CAMK4: variants seen among roughly 807,000 people sequenced by gnomAD.
The protein encoded by CAMK4 is calcium/calmodulin-dependent protein kinase type IV.
A neutral mutation model predicts 44.9 loss-of-function variants in CAMK4; 22 were observed. The observed-to-expected ratio is 0.49, with a 90% CI of 0.35 to 0.70. The LOEUF (loss-of-function observed/expected upper bound fraction) is 0.70. Among genes scored for constraint, CAMK4 ranks in the 30% least tolerant of loss-of-function variants. The pLI is 0.01. For missense variants in CAMK4, 498 were observed against 586.8 expected, an observed-to-expected ratio of 0.85 and a Z score of 1.56; for synonymous variants, 218 against 215.4, an observed-to-expected ratio of 1.01 and a Z score of -0.11.
At chr5:111,264,632 C>T (rs868208446) in intron 1 of CAMK4, among the ~76,000 whole-genome samples, 1 of 152,062 alleles carries the variant, frequency 6.6e-6, no homozygotes, top group Admixed American at 6.5e-5. Flanking sequence ...TGCCGATATC[C>T]GTTTCAGCTT....
chr5:111,350,222 G>A (rs1413488245), intron 2 of CAMK4, among the ~76,000 whole-genome samples: 1 of 151,982 alleles, frequency 6.6e-6, no homozygotes, highest in Non-Finnish European at 1.5e-5. Flanking sequence ...CACCACATAG[G>A]AAGCATGTAA....
chr5:111,233,498 G>A (rs1331980533), intron 1 of CAMK4, among the ~76,000 whole-genome samples: 1 of 152,122 alleles, frequency 6.6e-6, no homozygotes, highest in East Asian at 1.9e-4. Flanking sequence ...TTTATTCGAA[G>A]GGCGTGAAAG....
intron 5 of CAMK4, among the ~76,000 whole-genome samples, chr5:111,408,116 AAGAGAGAG>A (rs57215459): frequency 1.3e-5 from 2 of 149,274 alleles, no homozygotes; most frequent in South Asian, 4.2e-4. Context: ...CAAAGAAAGA[AAGAGAGAG>A]AGAGAGAGAG....
At chr5:111,448,503 A>G (rs1269536356) in intron 6 of CAMK4, among the ~76,000 whole-genome samples, 1 of 152,212 alleles carries the variant, frequency 6.6e-6, no homozygotes, top group Non-Finnish European at 1.5e-5. Flanking sequence ...TATTGCAACT[A>G]TTACTTTAAG....
intron 5 of CAMK4, among the ~76,000 whole-genome samples, chr5:111,432,654 A>ATGTG (rs200057213): frequency 4.2e-5 from 5 of 119,936 alleles, no homozygotes; most frequent in African/African-American, 1.7e-4. Flanking sequence ...ATATGTATAT[A>ATGTG]TGTGTGTGTA....
In CAMK4 at chr5:111,489,293, A is replaced by G. The variant is rs536180733; in HGVS notation, c.*4827A>G. 6.6e-6 allele frequency: 1 copy of G among 152,320 alleles called. No homozygotes were observed. Among genetic ancestry groups the G allele is most frequent in the African/African-American group, 2.4e-5 (1 of 41,576 alleles). 9.4% of individuals were successfully genotyped at this position (152,320 alleles called of 1,614,324 possible). Reference sequence around the variant, plus strand: ...ACCACTGGAGAGATATCAGCAAACCACCCACAGTAACCAAGTTCAGTATTT... The same window carrying G: ...ACCACTGGAGAGATATCAGCAAACCGCCCACAGTAACCAAGTTCAGTATTT... On this transcript the variant is annotated 3_prime_UTR_variant, in exon 11 of 11. Coordinates refer to ENST00000282356, the MANE Select transcript of CAMK4 (RefSeq NM_001744.6).
chr5:111,456,347 C>T (rs551771969), intron 7 of CAMK4, among the ~76,000 whole-genome samples: 36 of 151,920 alleles, frequency 2.4e-4, no homozygotes, highest in African/African-American at 7.5e-4. Context: ...AAAAATTAGC[C>T]GGGCATGATG....
chr5:111,414,138 A>G (rs1738009406), intron 5 of CAMK4, among the ~76,000 whole-genome samples: 1 of 152,192 alleles, frequency 6.6e-6, no homozygotes. Flanking sequence ...TGGACTAAGT[A>G]TTCAGGACCA....
chr5:111,258,720 T>G (rs1749846523), intron 1 of CAMK4, among the ~76,000 whole-genome samples: 1 of 149,594 alleles, frequency 6.7e-6, no homozygotes, highest in South Asian at 2.1e-4. Flanking sequence ...ATATCACCAT[T>G]ACCTCTACAG....
Position 111,409,896 on chromosome 5 carries a change from C to T in CAMK4, c.459+15114C>T, listed in dbSNP as rs951214151. 2.7e-4 allele frequency among the ~76,000 whole-genome samples: 41 copies of T among 152,328 alleles called. 1 individual carries two copies. Among genetic ancestry groups the T allele is most frequent in the African/African-American group, 9.9e-4 (41 of 41,574 alleles). On this transcript the variant is annotated intron_variant, in intron 5 of 10. Coordinates refer to ENST00000282356, the MANE Select transcript of CAMK4 (RefSeq NM_001744.6). ...AGCCTGGACTTTATTGTCCATATCA[C>T]TATCAACATTTTAGTCAAAGCAATT...
chr5:111,334,497 G>T (rs891784527), intron 1 of CAMK4, among the ~76,000 whole-genome samples: 1 of 151,406 alleles, frequency 6.6e-6, no homozygotes, highest in Non-Finnish European at 1.5e-5. Flanking sequence ...ACGTTTTTTA[G>T]GTTCCTGCTC....
intron 5 of CAMK4, among the ~76,000 whole-genome samples, chr5:111,438,619 A>G (rs1196095771): frequency 1.3e-5 from 2 of 152,240 alleles, no homozygotes; most frequent in African/African-American, 4.8e-5. Flanking sequence ...AAAAAGTAGC[A>G]GAAGGAAAGA....
At chr5:111,286,057 G>C (rs1406027658) in intron 1 of CAMK4, among the ~76,000 whole-genome samples, 1 of 152,200 alleles carries the variant, frequency 6.6e-6, no homozygotes, top group African/African-American at 2.4e-5. Flanking sequence ...AAAACGCAAA[G>C]TGGAAGTCAT....
chr5:111,400,027 A>G (rs1392702657), intron 5 of CAMK4, among the ~76,000 whole-genome samples: 1 of 152,236 alleles, frequency 6.6e-6, no homozygotes, highest in East Asian at 1.9e-4. Context: ...GGTGCCCCAC[A>G]TAACACAGAA....
chr5:111,372,813 G>A (rs150895848), intron 2 of CAMK4, among the ~76,000 whole-genome samples: 3 of 152,230 alleles, frequency 2.0e-5, no homozygotes, highest in East Asian at 1.9e-4. Context: ...CAAGATGTGC[G>A]TCTTCCTTTA....
intron 1 of CAMK4, among the ~76,000 whole-genome samples, chr5:111,316,729 T>A (rs1235225567): frequency 6.6e-6 from 1 of 152,184 alleles, no homozygotes; most frequent in Non-Finnish European, 1.5e-5. Flanking sequence ...GAGCCCATAG[T>A]ACCTCAGTGC....
rs115662448 is a variant in CAMK4 at position 111,479,351 on chromosome 5, T to C, written c.828+844T>C. ...TTACATTGCTTCTCACTTAAGTTAATATTGACATTTGTTTGCATTCAGGAA... is the reference window on the plus strand; with the variant it reads ...TTACATTGCTTCTCACTTAAGTTAACATTGACATTTGTTTGCATTCAGGAA... On this transcript the variant is annotated intron_variant, in intron 9 of 10. Coordinates refer to ENST00000282356, the MANE Select transcript of CAMK4 (RefSeq NM_001744.6). 1.7e-3 allele frequency among the ~76,000 whole-genome samples: 252 copies of C among 152,030 alleles called. 1 individual carries two copies. The highest frequency in any genetic ancestry group is 6.0e-3 in the African/African-American group (249 of 41,520).
At chr5:111,273,747 TCACACACACATA>T (rs1561378147) in intron 1 of CAMK4, among the ~76,000 whole-genome samples, 16 of 89,724 alleles carry the variant, frequency 1.8e-4, no homozygotes, top group African/African-American at 5.9e-4. Flanking sequence ...ACACACACGC[TCACACACACATA>T]CACACACACA....
rs965035285 is a variant in CAMK4, at chr5:111,303,737, A to G, written c.162-40287A>G. ...AGGCCAACGTTCAGATTCAGGAAAT[A>G]CAGAGAACGCCACAGAGATACTCCT... is the stretch of plus-strand genomic sequence containing the variant. On this transcript the variant is annotated intron_variant, in intron 1 of 10. Coordinates refer to ENST00000282356, the MANE Select transcript of CAMK4 (RefSeq NM_001744.6). Among the ~76,000 whole-genome samples the G allele has an allele frequency of 1.3e-5, 2 of 148,894 alleles. 1 individual carries two copies. Among genetic ancestry groups the G allele is most frequent in the African/African-American group, 5.2e-5 (2 of 38,596 alleles).
Sources: gnomAD v4.1 joint callset for allele counts (sites outside exome capture counted in the v4.1 genomes callset) on GRCh38, gnomAD v4.1.1 for gene constraint, MANE v1.5 for transcripts, NCBI Gene and HGNC (gene_info 2026-07-23, HGNC 2026-07-21) for gene names.